Variants in PHLPP1 observed in about 807,000 individuals in gnomAD.
PHLPP1 encodes the protein PH domain and leucine rich repeat protein phosphatase 1, also known as PH domain leucine-rich repeat-containing protein phosphatase 1.
In PHLPP1, 42 loss-of-function variants were observed where a neutral mutation model predicts 117.2. That is an observed-to-expected ratio of 0.36 (90% CI 0.28 to 0.46). The LOEUF (loss-of-function observed/expected upper bound fraction) is 0.46. Among genes scored for constraint, PHLPP1 ranks in the 20% least tolerant of loss-of-function variants. PHLPP1 has a pLI of 1.00. For synonymous variants in PHLPP1, 1,042 were observed against 970.7 expected, an observed-to-expected ratio of 1.07 and a Z score of -1.37; for missense variants, 2,084 against 2,241.9, an observed-to-expected ratio of 0.93 and a Z score of 1.42.
intron 4 of PHLPP1, among the ~76,000 whole-genome samples, chr18:62,863,163 TTCTC>T (rs370493143): frequency 1.7e-4 from 26 of 149,936 alleles, no homozygotes; most frequent in East Asian, 1.2e-3. Flanking sequence ...ACTTTTATGG[TTCTC>T]TCTCTCTCTC....
At chr18:62,920,266 C>T (rs1333847330) in intron 10 of PHLPP1, among the ~76,000 whole-genome samples, 152 bp downstream of exon 10, 2 of 152,166 alleles carry the variant, frequency 1.3e-5, no homozygotes, top group Non-Finnish European at 2.9e-5. Context: ...CTTTACTGAC[C>T]ATTTTGTAGG....
At chr18:62,842,759 A>G (rs1038916416) in intron 3 of PHLPP1, among the ~76,000 whole-genome samples, 31 of 152,238 alleles carry the variant, frequency 2.0e-4, no homozygotes, top group Admixed American at 1.3e-4. Context: ...CAGTTGGTGA[A>G]TTAAGGACAA....
At chr18:62,927,621 C>T (rs967465201) in intron 10 of PHLPP1, among the ~76,000 whole-genome samples, 5 of 150,274 alleles carry the variant, frequency 3.3e-5, no homozygotes, top group Non-Finnish European at 7.4e-5. Context: ...AGAATACACC[C>T]GAAAAATTAA....
At chr18:62,754,416 C>G (rs1911949438) in intron 1 of PHLPP1, among the ~76,000 whole-genome samples, 1 of 152,106 alleles carries the variant, frequency 6.6e-6, no homozygotes, top group African/African-American at 2.4e-5. Flanking sequence ...ACTTTTTTTC[C>G]CCTCCCAAAC....
intron 1 of PHLPP1, among the ~76,000 whole-genome samples, chr18:62,805,603 C>A (rs1913927452): frequency 6.6e-6 from 1 of 152,126 alleles, no homozygotes; most frequent in Non-Finnish European, 1.5e-5. Context: ...CTAAGTGATC[C>A]TCCTATCTCA....
At position 62,821,548 on chromosome 18, in the gene PHLPP1, C is replaced by CAAAAAAAAAAAAAAAAAAAAA. The variant is rs1568127680; in HGVS notation, c.1577-8487_1577-8486insAAAAAAAAAAAAAAAAAAAAA. On this transcript the variant is annotated intron_variant, in intron 1 of 16. Coordinates refer to ENST00000262719, the MANE Select transcript of PHLPP1 (RefSeq NM_194449.4). ...TGGGTGACAGAGTGAGACCCTTTAT[C>CAAAAAAAAAAAAAAAAAAAAA]CAAAAAAAAAAAAAAAAAAAAAAGA... Among the ~76,000 whole-genome samples the CAAAAAAAAAAAAAAAAAAAAA allele has an allele frequency of 2.5e-3, 72 of 29,160 alleles. 2 individuals carry two copies. The highest frequency in any genetic ancestry group is 0.045 in the Middle Eastern group (1 of 22). 19.1% of individuals were successfully genotyped at this position (29,160 alleles called of 152,430 possible).
At chr18:62,896,649 G>T (rs1193408800) in intron 6 of PHLPP1, among the ~76,000 whole-genome samples, 1 of 152,090 alleles carries the variant, frequency 6.6e-6, no homozygotes, top group Admixed American at 6.6e-5. Context: ...GCCCGGCCTG[G>T]AGTGTAATGA....
At position 62,715,830 on chromosome 18, in the gene PHLPP1, G is replaced by A; in HGVS notation, c.147G>A (p.Arg49=). ...TGGCGGCGGCGGCCGGGGGCGGCCGGAGTCCGGAGCCCGCGCTGACCCCGG... is the reference window on the plus strand; with the variant it reads ...TGGCGGCGGCGGCCGGGGGCGGCCGAAGTCCGGAGCCCGCGCTGACCCCGG... ...AALAAAAGGG[R]SPEPALTPAA... The change falls in exon 1 of 17, where the codon CGG becomes CGA. Residue 49 remains arginine (R), a synonymous_variant. Transcript: ENST00000262719. 1.3e-6 allele frequency: 1 copy of A among 748,912 alleles called. No homozygotes were observed. The highest frequency in any genetic ancestry group is 1.6e-6 in the Non-Finnish European group (1 of 612,768). The allele number at this position is 748,912 out of a possible 1,614,324, so 46.4% of individuals were successfully genotyped here.
chr18:62,812,025 T>C (rs970813630), intron 1 of PHLPP1, among the ~76,000 whole-genome samples: 18 of 152,184 alleles, frequency 1.2e-4, no homozygotes, highest in African/African-American at 3.6e-4. Flanking sequence ...TATTACACAG[T>C]AGAAAGTAAA....
chr18:62,766,076 A>AAAAATATATAT, intron 1 of PHLPP1, among the ~76,000 whole-genome samples: 45 of 21,652 alleles, frequency 2.1e-3, no homozygotes, highest in East Asian at 9.9e-3. Flanking sequence ...AAAAAAAAAA[A>AAAAATATATAT]ATATATATAT....
At chr18:62,924,698 A>G (rs1236051788) in intron 10 of PHLPP1, among the ~76,000 whole-genome samples, 2 of 143,610 alleles carry the variant, frequency 1.4e-5, no homozygotes, top group African/African-American at 2.5e-5. Flanking sequence ...AAAAAAAAAA[A>G]AGTCAGGTGT....
chr18:62,793,330 T>A (rs753355344), intron 1 of PHLPP1, among the ~76,000 whole-genome samples: 1 of 152,228 alleles, frequency 6.6e-6, no homozygotes, highest in Non-Finnish European at 1.5e-5. Context: ...CCAAGTCTAA[T>A]GAATCAATCT....
intron 4 of PHLPP1, among the ~76,000 whole-genome samples, chr18:62,880,167 C>G (rs1425937019): frequency 6.6e-6 from 1 of 151,538 alleles, no homozygotes; most frequent in Non-Finnish European, 1.5e-5. Context: ...ACCCTAGCAT[C>G]AGACTTTTAT....
chr18:62,804,894 A>G (rs141585308), intron 1 of PHLPP1, among the ~76,000 whole-genome samples: 155 of 146,404 alleles, frequency 1.1e-3, no homozygotes, highest in East Asian at 7.4e-3. Context: ...CACTGCATAT[A>G]TTATACATAT....
At chr18:62,892,652 G>A (rs924338099) in intron 4 of PHLPP1, among the ~76,000 whole-genome samples, 5 of 151,526 alleles carry the variant, frequency 3.3e-5, no homozygotes, top group Non-Finnish European at 4.4e-5. Context: ...TGAGGCGGGC[G>A]GATCACGAGG....
At chr18:62,890,265 T>G (rs2144393384) in intron 4 of PHLPP1, among the ~76,000 whole-genome samples, 1 of 151,982 alleles carries the variant, frequency 6.6e-6, no homozygotes. Flanking sequence ...TATAAATAAT[T>G]TATTTATTTA....
chr18:62,825,007 A>G (rs374914283), intron 1 of PHLPP1, among the ~76,000 whole-genome samples: 1 of 151,574 alleles, frequency 6.6e-6, no homozygotes, highest in Non-Finnish European at 1.5e-5. Flanking sequence ...GCTCAGTGCA[A>G]CCTCTGCCTC....
At chr18:62,888,479 C>T (rs926230863) in intron 4 of PHLPP1, among the ~76,000 whole-genome samples, 3 of 152,060 alleles carry the variant, frequency 2.0e-5, no homozygotes, top group African/African-American at 7.2e-5. Context: ...GGCAGGTAGA[C>T]TGCTTGAGCT....
At chr18:62,936,101 T>C (rs1284430952) in intron 10 of PHLPP1, among the ~76,000 whole-genome samples, 3 of 152,084 alleles carry the variant, frequency 2.0e-5, no homozygotes, top group Non-Finnish European at 4.4e-5. Flanking sequence ...AGTGTAGGGC[T>C]AGAGCAGGCT....
Sources: allele counts gnomAD v4.1 joint callset (sites outside exome capture counted in the v4.1 genomes callset), GRCh38; gene constraint gnomAD v4.1.1; transcripts MANE v1.5; gene names NCBI Gene and HGNC (gene_info 2026-07-23, HGNC 2026-07-21).